The following LARP1B variants were observed in gnomAD, a reference collection of about 807,000 sequenced individuals.
LARP1B encodes the protein la-related protein 1B.
Under a neutral mutation model 114.2 loss-of-function variants are expected in LARP1B, and 76 were observed. The ratio of observed to expected loss-of-function variants is 0.67; its 90% CI spans 0.55 to 0.81. The LOEUF (loss-of-function observed/expected upper bound fraction) is 0.81, where lower values mean the gene tolerates loss of function less well. Ranked by LOEUF, LARP1B falls within the 30% of genes least tolerant of loss-of-function variation. The pLI is 0.00. For missense variants in LARP1B, 1,014 were observed against 1,075.8 expected (o/e 0.94, Z 0.80); for synonymous variants, 345 against 348.0 (o/e 0.99, Z 0.10).
chr4:128,061,552 G>GGCGGCA (rs1760110437), intron 1 of LARP1B, 151 bp downstream of exon 1: 4 of 413,950 alleles, frequency 9.7e-6, no homozygotes, highest in African/African-American at 2.2e-5. Flanking sequence ...CTCGGCGGGC[G>GGCGGCA]GCGGCAGCGG....
chr4:128,220,026 C>T (rs1759882456), intron 6 of LARP1B, among the ~76,000 whole-genome samples: 2 of 152,124 alleles, frequency 1.3e-5, no homozygotes, highest in African/African-American at 2.4e-5. Flanking sequence ...GCTGGGATTA[C>T]AGGCATGTGC....
chr4:128,133,989 G>C (rs1792413948), intron 11 of LARP1B, among the ~76,000 whole-genome samples: 1 of 146,008 alleles, frequency 6.8e-6, no homozygotes, highest in Admixed American at 7.1e-5. Flanking sequence ...GGGCCACTGT[G>C]CCCAGCCCAA....
chr4:128,127,099 G>A (rs1489409116), intron 11 of LARP1B, among the ~76,000 whole-genome samples: 1 of 152,074 alleles, frequency 6.6e-6, no homozygotes. Context: ...AATTTGCCAA[G>A]GGAAAATAAC....
At chr4:128,174,724 G>A (rs1378095184) in intron 12 of LARP1B, among the ~76,000 whole-genome samples, 2 of 151,856 alleles carry the variant, frequency 1.3e-5, no homozygotes, top group African/African-American at 2.4e-5. Context: ...CTTGCCTCCC[G>A]ATCTATTCCT....
intron 19 of LARP1B, among the ~76,000 whole-genome samples, chr4:128,209,185 G>A (rs1301298886): frequency 3.3e-5 from 5 of 152,172 alleles, no homozygotes; most frequent in African/African-American, 1.2e-4. Flanking sequence ...TTGGGAGGCC[G>A]AGGCGGGTGG....
Position 128,207,259 on chromosome 4 carries a change from A to C in LARP1B, c.2423A>C (p.Gln808Pro). Residue 808 changes from glutamine (Q) to proline (P), a missense_variant, in exon 19 of 20, where the codon CAG (glutamine) becomes CCG (proline). Coordinates refer to ENST00000326639, the MANE Select transcript of LARP1B (RefSeq NM_018078.4). ...EETKKDYESG[Q>P]LYGLEKFWAY... is the part of the protein sequence containing the mutation. ...GTATATTATTCTTTGTTATTAGGTCAGCTGTATGGACTAGAAAAGTTTTGG... is the reference window on the plus strand; with the variant it reads ...GTATATTATTCTTTGTTATTAGGTCCGCTGTATGGACTAGAAAAGTTTTGG... 7.2e-7 allele frequency: 1 copy of C among 1,397,470 alleles called. No individual in the cohort carries two copies. The highest frequency in any genetic ancestry group is 2.5e-5 in the East Asian group (1 of 39,996). The allele number at this position is 1,397,470 out of a possible 1,614,324, so 86.6% of individuals were successfully genotyped here.
intron 1 of LARP1B, chr4:128,069,500 G>A: frequency 1.3e-6 from 1 of 751,310 alleles, no homozygotes; most frequent in Admixed American, 1.7e-5. Context: ...TATCAAGCCA[G>A]ATGGGGTGGG....
intron 8 of LARP1B, among the ~76,000 whole-genome samples, chr4:128,098,754 T>C (rs1779051545): frequency 3.0e-5 from 1 of 33,338 alleles, no homozygotes; most frequent in Non-Finnish European, 6.0e-5. Flanking sequence ...TGTGTATATA[T>C]ATATATATAT....
At chr4:128,063,206 C>T (rs929217760) in intron 1 of LARP1B, among the ~76,000 whole-genome samples, 16 of 151,356 alleles carry the variant, frequency 1.1e-4, no homozygotes, top group Non-Finnish European at 1.9e-4. Context: ...GCGGGCGGAT[C>T]ACCTGAGGTG....
At chr4:128,173,977 G>T (rs1181277678) in intron 12 of LARP1B, among the ~76,000 whole-genome samples, 1 of 151,956 alleles carries the variant, frequency 6.6e-6, no homozygotes, top group East Asian at 1.9e-4. Flanking sequence ...CTATGGTTTT[G>T]CACTTTTCAG....
chr4:128,074,528 C>T lies in LARP1B; in HGVS notation c.-19+10C>T. The T allele has an allele frequency of 9.0e-6, 8 of 891,390 alleles. No individual in the cohort carries two copies. The highest frequency in any genetic ancestry group is 1.1e-5 in the Non-Finnish European group (8 of 743,326). The allele number at this position is 891,390 out of a possible 1,614,324, so 55.2% of individuals were successfully genotyped here. On this transcript the variant is annotated intron_variant, in intron 2 of 19. Coordinates refer to ENST00000326639, the MANE Select transcript of LARP1B (RefSeq NM_018078.4). ...AAAGAAATCCAACAAGGTATGTCTTCATAGGAAATAGTTCTTAACTGTATT... is the reference window on the plus strand; with the variant it reads ...AAAGAAATCCAACAAGGTATGTCTTTATAGGAAATAGTTCTTAACTGTATT...
chr4:128,083,597 A>G (rs1297768496), intron 5 of LARP1B, among the ~76,000 whole-genome samples: 2 of 125,310 alleles, frequency 1.6e-5, no homozygotes, highest in African/African-American at 6.2e-5. Flanking sequence ...TCCCTCCCAG[A>G]CGGGGCGGCT....
intron 5 of LARP1B, among the ~76,000 whole-genome samples, chr4:128,084,443 C>T (rs926188534): frequency 7.2e-5 from 11 of 152,352 alleles, no homozygotes; most frequent in African/African-American, 2.2e-4. Context: ...GCCAGCACAG[C>T]GAAACCCCGT....
chr4:128,201,471 G>C (rs532862654), intron 17 of LARP1B, among the ~76,000 whole-genome samples: 5 of 152,266 alleles, frequency 3.3e-5, no homozygotes, highest in Admixed American at 1.3e-4. Flanking sequence ...AAAAAGCAAG[G>C]CCTCTCACAA....
At chr4:128,166,944 C>G (rs1258965844) in intron 12 of LARP1B, among the ~76,000 whole-genome samples, 2 of 96,478 alleles carry the variant, frequency 2.1e-5, no homozygotes, top group Non-Finnish European at 2.1e-5. Context: ...CTCTCTCTCT[C>G]TCTCTCTCTC....
chr4:128,061,029 G>A (rs1408196608), upstream of LARP1B, among the ~76,000 whole-genome samples: 3 of 152,036 alleles, frequency 2.0e-5, no homozygotes, highest in East Asian at 3.9e-4. Flanking sequence ...AGCCAGCCGC[G>A]AGCCACAGAG....
At chr4:128,164,991 TAAA>T (rs751080000) in intron 12 of LARP1B, among the ~76,000 whole-genome samples, 4 of 149,590 alleles carry the variant, frequency 2.7e-5, no homozygotes, top group Non-Finnish European at 5.9e-5. Flanking sequence ...AATAAAAAAA[TAAA>T]AAAGGGATGT....
chr4:128,204,447 G>A (rs1756980961), intron 17 of LARP1B, among the ~76,000 whole-genome samples: 1 of 152,090 alleles, frequency 6.6e-6, no homozygotes, highest in Non-Finnish European at 1.5e-5. Context: ...ATGACATTAG[G>A]AGTTCAAGAC....
At position 128,209,706 on chromosome 4, in the gene LARP1B, G is replaced by A. The variant is rs1463603602; in HGVS notation, c.2548-150G>A. 1.5e-5 allele frequency: 9 copies of A among 588,510 alleles called. No individual in the cohort carries two copies. In the Admixed American group the frequency reaches 3.2e-4, roughly 21 times the overall value. The allele number at this position is 588,510 out of a possible 1,614,324, so 36.5% of individuals were successfully genotyped here. ...CCACTGCACTCCAGCCTGGGTGACA[G>A]AATGAGACTCCATCAAAAAAAAAAA... On this transcript the variant is annotated intron_variant, in intron 19 of 19. Coordinates refer to ENST00000326639, the MANE Select transcript of LARP1B (RefSeq NM_018078.4).
Sources: gnomAD v4.1 joint callset for allele counts (sites outside exome capture counted in the v4.1 genomes callset) on GRCh38, gnomAD v4.1.1 for gene constraint, MANE v1.5 for transcripts, NCBI Gene and HGNC (gene_info 2026-07-23, HGNC 2026-07-21) for gene names.